ZBTB20: variants seen among roughly 807,000 people sequenced by gnomAD.
ZBTB20 encodes zinc finger and BTB domain containing 20, also known as zinc finger and BTB domain-containing protein 20.
Under a neutral mutation model 56.9 loss-of-function variants are expected in ZBTB20, and 9 were observed. The ratio of observed to expected loss-of-function variants is 0.16; its 90% CI spans 0.10 to 0.28. ZBTB20 has a LOEUF of 0.28. Among genes scored for constraint, ZBTB20 ranks in the 10% least tolerant of loss-of-function variants. ZBTB20 has a pLI of 1.00. For synonymous variants in ZBTB20, 417 were observed against 420.7 expected (o/e 0.99, Z 0.11); for missense variants, 655 against 1,003.0 (o/e 0.65, Z 4.69).
intron 7 of ZBTB20, among the ~76,000 whole-genome samples, chr3:114,426,779 A>G (rs2089711365): frequency 6.6e-6 from 1 of 152,182 alleles, no homozygotes; most frequent in Non-Finnish European, 1.5e-5. Flanking sequence ...CAAGGTAAGA[A>G]CCACTCCACC....
intron 6 of ZBTB20, among the ~76,000 whole-genome samples, chr3:114,553,024 C>T (rs964329511): frequency 1.3e-4 from 20 of 152,196 alleles, no homozygotes; most frequent in African/African-American, 4.8e-4. Flanking sequence ...ACCCTTTTCT[C>T]TCCAAATCCA....
chr3:115,048,180 G>A (rs541771394), intron 2 of ZBTB20, among the ~76,000 whole-genome samples: 6 of 152,126 alleles, frequency 3.9e-5, no homozygotes, highest in East Asian at 3.9e-4. Context: ...AGCTGAGTTC[G>A]CGCCACTGCA....
chr3:115,072,330 C>T (rs2082439200), intron 1 of ZBTB20, among the ~76,000 whole-genome samples: 1 of 152,226 alleles, frequency 6.6e-6, no homozygotes, highest in Non-Finnish European at 1.5e-5. Flanking sequence ...AATAAATATG[C>T]TTGTTATACC....
At chr3:114,824,539 T>A (rs946850141) in intron 4 of ZBTB20, among the ~76,000 whole-genome samples, 2 of 152,012 alleles carry the variant, frequency 1.3e-5, no homozygotes, top group African/African-American at 4.8e-5. Context: ...GACAACTTGT[T>A]GGCAGAAAGG....
intron 6 of ZBTB20, among the ~76,000 whole-genome samples, chr3:114,540,630 T>G (rs1266134274): frequency 6.6e-5 from 10 of 152,106 alleles, no homozygotes; most frequent in Non-Finnish European, 2.9e-5. Flanking sequence ...AATTTATCTG[T>G]GTTCCTGTAG....
At chr3:114,627,778 T>C (rs2058728294) in intron 6 of ZBTB20, among the ~76,000 whole-genome samples, 1 of 152,148 alleles carries the variant, frequency 6.6e-6, no homozygotes, top group African/African-American at 2.4e-5. Context: ...CAATGACAAA[T>C]CATCCGTTTC....
chr3:114,353,985 C>T (rs1196477456), intron 10 of ZBTB20, among the ~76,000 whole-genome samples: 2 of 152,164 alleles, frequency 1.3e-5, no homozygotes, highest in African/African-American at 4.8e-5. Flanking sequence ...TTGCCCTTTA[C>T]TGAGGTCTGG....
chr3:114,826,352 C>A (rs189087589), intron 4 of ZBTB20, among the ~76,000 whole-genome samples: 1 of 151,620 alleles, frequency 6.6e-6, no homozygotes, highest in Non-Finnish European at 1.5e-5. Flanking sequence ...AATCTCCCCC[C>A]ACAAAATTTA....
At chr3:115,038,437 A>G (rs2081014471) in intron 2 of ZBTB20, among the ~76,000 whole-genome samples, 1 of 152,190 alleles carries the variant, frequency 6.6e-6, no homozygotes, top group African/African-American at 2.4e-5. Context: ...AGAAAGCATA[A>G]ATATCACAAA....
chr3:114,738,817 C>A (rs761750814), intron 5 of ZBTB20, among the ~76,000 whole-genome samples: 2 of 152,114 alleles, frequency 1.3e-5, no homozygotes, highest in South Asian at 4.1e-4. Context: ...AAACAGAGAA[C>A]GTTTCAAAGA....
intron 4 of ZBTB20, among the ~76,000 whole-genome samples, chr3:114,868,297 C>T (rs1162637358): frequency 6.6e-6 from 1 of 152,110 alleles, no homozygotes; most frequent in Non-Finnish European, 1.5e-5. Context: ...GACAATAAGA[C>T]CTGCTCCTTC....
At chr3:114,979,045 G>A (rs1264747996) in intron 2 of ZBTB20, among the ~76,000 whole-genome samples, 2 of 151,792 alleles carry the variant, frequency 1.3e-5, no homozygotes, top group Non-Finnish European at 2.9e-5. Context: ...AGGAAGGGAA[G>A]AGAACAACAA....
chr3:115,016,859 A>C lies in ZBTB20; in HGVS notation c.-506-42443T>G, dbSNP rs1452766094. On this transcript the variant is annotated intron_variant, in intron 2 of 11. Transcript: ENST00000675478. ...CCTTCACGTTAAAAACTCTCAATAA[A>C]CTAGGTATTGAAAGAACATACCTCA... Among the ~76,000 whole-genome samples, 4 of 151,776 alleles carry C rather than the reference A, an allele frequency of 2.6e-5. No homozygotes were observed. The East Asian group carries it at 7.8e-4, about 30-fold the overall frequency.
At chr3:114,406,064 A>T (rs1366762774) in intron 7 of ZBTB20, among the ~76,000 whole-genome samples, 2 of 151,854 alleles carry the variant, frequency 1.3e-5, no homozygotes, top group Non-Finnish European at 2.9e-5. Flanking sequence ...GTTATTTTTT[A>T]AAATTGTCTT....
intron 5 of ZBTB20, among the ~76,000 whole-genome samples, chr3:114,762,000 T>C (rs2068477956): frequency 1.3e-5 from 2 of 152,184 alleles, no homozygotes; most frequent in South Asian, 4.1e-4. Flanking sequence ...CCATATATTA[T>C]TGAAGCCTAT....
intron 4 of ZBTB20, among the ~76,000 whole-genome samples, chr3:114,804,507 T>C (rs1372450734): frequency 6.6e-6 from 1 of 152,016 alleles, no homozygotes; most frequent in African/African-American, 2.4e-5. Flanking sequence ...CATCTCTCTA[T>C]AATTTATTTA....
intron 1 of ZBTB20, among the ~76,000 whole-genome samples, chr3:115,142,641 G>A (rs1034375806): frequency 4.2e-5 from 6 of 144,394 alleles, no homozygotes; most frequent in East Asian, 2.0e-4. Flanking sequence ...CCAGCCTGGC[G>A]ACAGAGCAAG....
In ZBTB20 at chr3:115,030,066, C is replaced by T. The variant is rs10433394; in HGVS notation, c.-507+41153G>A. ...ATAATTAAGGACCTGGGAAAAACAACTAGCACATAGTGTTAAACGGAGAAA... is the reference window on the plus strand; with the variant it reads ...ATAATTAAGGACCTGGGAAAAACAATTAGCACATAGTGTTAAACGGAGAAA... On this transcript the variant is annotated intron_variant, in intron 2 of 11. Coordinates refer to ENST00000675478, the MANE Select transcript of ZBTB20 (RefSeq NM_001348800.3). 7.6e-3 allele frequency among the ~76,000 whole-genome samples: 1,154 copies of T among 151,110 alleles called. 83 individuals carry two copies. In the East Asian group the frequency reaches 0.19, roughly 24 times the overall value.
rs58480744 is a variant in ZBTB20 at position 115,055,187 on chromosome 3, A to ATCTCTCTCTCTCTCTCTCTCTCTC, written c.-507+16008_-507+16031dup. Among the ~76,000 whole-genome samples the ATCTCTCTCTCTCTCTCTCTCTCTC allele has an allele frequency of 1.1e-3, 109 of 103,172 alleles. 9 individuals carry two copies. The highest frequency in any genetic ancestry group is 2.7e-3 in the African/African-American group (69 of 25,162). The allele number at this position is 103,172 out of a possible 152,430, so 67.7% of individuals were successfully genotyped here. A position where few individuals can be genotyped will look rare whatever the true frequency, so the allele number is the denominator to read the frequency against. Reference sequence around the variant, plus strand: ...TACAATCTTTTGCTCCCTCCTGGTAATCTCTCTCTCTCTCTCTCTCTCTCT... The same window carrying ATCTCTCTCTCTCTCTCTCTCTCTC: ...TACAATCTTTTGCTCCCTCCTGGTAATCTCTCTCTCTCTCTCTCTCTCTCTCTCTCTCTCTCTCTCTCTCTCTCT... On this transcript the variant is annotated intron_variant, in intron 2 of 11. Transcript: ENST00000675478.
Sources: gnomAD v4.1 joint callset for allele counts (sites outside exome capture counted in the v4.1 genomes callset) on GRCh38, gnomAD v4.1.1 for gene constraint, MANE v1.5 for transcripts, NCBI Gene and HGNC (gene_info 2026-07-23, HGNC 2026-07-21) for gene names.